KLF12: variants seen among roughly 807,000 people sequenced by gnomAD.
The protein encoded by KLF12 is Krueppel-like factor 12.
KLF12 carries 9 observed loss-of-function variants against 37.8 expected under a neutral mutation model. The observed-to-expected ratio is 0.24, with a 90% CI of 0.14 to 0.42. KLF12 has a LOEUF of 0.42. Among genes scored for constraint, KLF12 ranks in the 10% least tolerant of loss-of-function variants. The probability of loss-of-function intolerance (pLI) is 1.00; values close to 1 mark genes in which losing one functional copy is unlikely to be tolerated. For missense variants in KLF12, 411 were observed against 516.0 expected, an observed-to-expected ratio of 0.80 and a Z score of 1.97; for synonymous variants, 208 against 202.1, an observed-to-expected ratio of 1.03 and a Z score of -0.25.
At chr13:73,914,027 C>G (rs752150294) in intron 3 of KLF12, among the ~76,000 whole-genome samples, 3 of 152,140 alleles carry the variant, frequency 2.0e-5, no homozygotes, top group Admixed American at 6.5e-5. Context: ...CTTTGCTGGT[C>G]GCTGGCCAGC....
the KLF12 span, among the ~76,000 whole-genome samples, chr13:74,232,048 C>A: frequency 1.3e-5 from 2 of 152,126 alleles, no homozygotes; most frequent in Non-Finnish European, 2.9e-5. Context: ...TATATGATTT[C>A]ATGGTGTAAC....
chr13:73,893,319 T>C (rs141574667), intron 3 of KLF12, among the ~76,000 whole-genome samples: 46 of 150,482 alleles, frequency 3.1e-4, no homozygotes, highest in African/African-American at 1.1e-3. Context: ...GATCAGTTCA[T>C]TTTTTTTTCA....
chr13:74,104,842 T>A lies in KLF12; in HGVS notation c.-32+28897A>T, dbSNP rs148026082. ...GATAAAATATGGAGGGCATAGGCTC[T>A]CATACTTGAAACTTAAACTAGTAAT... is the stretch of plus-strand genomic sequence containing the variant. On this transcript the variant is annotated intron_variant, in intron 1 of 7. Transcript: ENST00000377669. Among the ~76,000 whole-genome samples the A allele has an allele frequency of 2.6e-3, 390 of 152,304 alleles. 1 individual carries two copies. The highest frequency in any genetic ancestry group is 9.0e-3 in the African/African-American group (374 of 41,566).
the KLF12 span, among the ~76,000 whole-genome samples, chr13:74,163,378 C>A: frequency 2.2e-3 from 331 of 152,194 alleles, no homozygotes; most frequent in Non-Finnish European, 2.9e-3. Flanking sequence ...TATATATACA[C>A]AATGAAGTAC....
chr13:73,905,847 A>C (rs1383794144), intron 3 of KLF12, among the ~76,000 whole-genome samples: 1 of 152,136 alleles, frequency 6.6e-6, no homozygotes, highest in East Asian at 1.9e-4. Context: ...CTCCAAACTT[A>C]ATTAACCTAT....
At chr13:74,139,091 A>G in the KLF12 span, among the ~76,000 whole-genome samples, 2 of 152,030 alleles carry the variant, frequency 1.3e-5, no homozygotes, top group Non-Finnish European at 2.9e-5. Flanking sequence ...CTGATTCTCT[A>G]TTTTTCCACC....
chr13:74,023,713 G>A (rs1892903514), intron 1 of KLF12, among the ~76,000 whole-genome samples: 1 of 152,054 alleles, frequency 6.6e-6, no homozygotes, highest in Admixed American at 6.6e-5. Context: ...CATTACATTG[G>A]CAACAACTCT....
At chr13:74,110,705 C>T (rs761286473) in intron 1 of KLF12, among the ~76,000 whole-genome samples, 21 of 152,066 alleles carry the variant, frequency 1.4e-4, no homozygotes, top group Admixed American at 3.3e-4. Flanking sequence ...GCTGGTTGGT[C>T]TCGGTTGAGT....
At chr13:73,725,546 T>C (rs1876596800) in intron 6 of KLF12, among the ~76,000 whole-genome samples, 1 of 152,094 alleles carries the variant, frequency 6.6e-6, no homozygotes. Context: ...GGGTTTTAAT[T>C]TGGAGACTTC....
the KLF12 span, among the ~76,000 whole-genome samples, chr13:74,222,552 T>G: frequency 6.6e-6 from 1 of 152,216 alleles, no homozygotes; most frequent in Non-Finnish European, 1.5e-5. Context: ...TCCCCTTATT[T>G]TACCTTTTTA....
intron 3 of KLF12, among the ~76,000 whole-genome samples, chr13:73,881,092 A>G (rs532082620): frequency 6.6e-6 from 1 of 152,316 alleles, no homozygotes; most frequent in African/African-American, 2.4e-5. Flanking sequence ...GTCTTTGCCA[A>G]GTGAAAATTA....
At chr13:74,139,667 A>G in the KLF12 span, among the ~76,000 whole-genome samples, 19 of 152,164 alleles carry the variant, frequency 1.2e-4, no homozygotes, top group African/African-American at 4.6e-4. Context: ...TTTTATTAAA[A>G]TTAGATAGCA....
chr13:74,160,735 A>G, the KLF12 span, among the ~76,000 whole-genome samples: 365 of 152,318 alleles, frequency 2.4e-3, 3 homozygotes, highest in African/African-American at 8.6e-3. Flanking sequence ...AGAGAATGGG[A>G]CATACTGCAT....
chr13:73,987,642 TG>T, intron 2 of KLF12, among the ~76,000 whole-genome samples: 1 of 99,624 alleles, frequency 1.0e-5, no homozygotes, highest in South Asian at 3.5e-4. Context: ...AGAGAGAAAG[TG>T]GGGGGAGAGG....
At chr13:73,996,772 A>T (rs1892131998) in intron 1 of KLF12, among the ~76,000 whole-genome samples, 1 of 152,208 alleles carries the variant, frequency 6.6e-6, no homozygotes, top group Non-Finnish European at 1.5e-5. Flanking sequence ...CCAATCAGGA[A>T]GAAGGCAAGG....
the KLF12 span, among the ~76,000 whole-genome samples, chr13:74,242,094 C>T: frequency 6.6e-6 from 1 of 152,176 alleles, no homozygotes; most frequent in East Asian, 1.9e-4. Context: ...CCCCCTCAAA[C>T]ATAAAATGTT....
chr13:74,003,298 A>G (rs1892327768), intron 1 of KLF12, among the ~76,000 whole-genome samples: 1 of 152,230 alleles, frequency 6.6e-6, no homozygotes. Context: ...TGGACTGGGT[A>G]GTAGATTTAA....
intron 3 of KLF12, among the ~76,000 whole-genome samples, chr13:73,859,959 A>G (rs1395041303): frequency 6.6e-6 from 1 of 152,142 alleles, no homozygotes; most frequent in Non-Finnish European, 1.5e-5. Flanking sequence ...TTTTAAAAAA[A>G]GTTTTATTTT....
In KLF12 at chr13:73,931,870, TCATCTTTTA is replaced by T. The variant is rs1373220412; in HGVS notation, c.123+12102_123+12110del. Among the ~76,000 whole-genome samples the T allele has an allele frequency of 8.5e-5, 13 of 152,056 alleles. No homozygotes were observed. In the East Asian group the frequency reaches 2.5e-3, roughly 29 times the overall value. On this transcript the variant is annotated intron_variant, in intron 3 of 7. Transcript: ENST00000377669. ...GACTATTTTTAAGTAGTCTGAATAC[TCATCTTTTA>T]TATGAAATTTATAACAAAACTTCAA...
Sources: gnomAD v4.1 joint callset for allele counts (sites outside exome capture counted in the v4.1 genomes callset) on GRCh38, gnomAD v4.1.1 for gene constraint, MANE v1.5 for transcripts, NCBI Gene and HGNC (gene_info 2026-07-23, HGNC 2026-07-21) for gene names.